The following SEMA3A variants were observed in gnomAD, a reference collection of about 807,000 sequenced individuals.
The protein encoded by SEMA3A is semaphorin-3A.
Under a neutral mutation model 97.9 loss-of-function variants are expected in SEMA3A, and 29 were observed. That is an observed-to-expected ratio of 0.30 (90% CI 0.22 to 0.40). The LOEUF (loss-of-function observed/expected upper bound fraction) is 0.40. Among genes scored for constraint, SEMA3A ranks in the 10% least tolerant of loss-of-function variants. The pLI is 1.00. For synonymous variants in SEMA3A, 321 were observed against 323.7 expected (o/e 0.99, Z 0.09); for missense variants, 763 against 951.3 (o/e 0.80, Z 2.60).
chr7:84,433,029 T>C (rs1805025555), intron 1 of SEMA3A, among the ~76,000 whole-genome samples: 1 of 151,990 alleles, frequency 6.6e-6, no homozygotes, highest in Admixed American at 6.6e-5. Context: ...TATAATGGTT[T>C]CCTTCCTCTC....
intron 1 of SEMA3A, among the ~76,000 whole-genome samples, chr7:84,157,449 T>G (rs1458646620): frequency 6.6e-6 from 1 of 150,708 alleles, no homozygotes; most frequent in Non-Finnish European, 1.5e-5. Flanking sequence ...TTATCGTTGA[T>G]GACCACAACA....
At chr7:84,316,092 T>G (rs1466325838) in intron 2 of SEMA3A, among the ~76,000 whole-genome samples, 1 of 134,916 alleles carries the variant, frequency 7.4e-6, no homozygotes, top group African/African-American at 2.9e-5. Context: ...AGAAGTTCAC[T>G]TGAAGGCCTG....
chr7:84,110,214 A>G (rs973483621), intron 4 of SEMA3A, among the ~76,000 whole-genome samples: 2 of 152,196 alleles, frequency 1.3e-5, no homozygotes, highest in African/African-American at 4.8e-5. Context: ...CTGCACATGC[A>G]AAATGGATTG....
At chr7:84,429,513 T>TA (rs1804912228) in intron 1 of SEMA3A, among the ~76,000 whole-genome samples, 2 of 100,552 alleles carry the variant, frequency 2.0e-5, no homozygotes, top group African/African-American at 8.3e-5. Flanking sequence ...AATATAGAGT[T>TA]TGTTATATAT....
At chr7:84,404,478 T>A (rs1562934981) in intron 1 of SEMA3A, among the ~76,000 whole-genome samples, 1 of 152,098 alleles carries the variant, frequency 6.6e-6, no homozygotes, top group Non-Finnish European at 1.5e-5. Flanking sequence ...CTGCAGGATA[T>A]TATCCAGGAG....
chr7:84,203,720 G>A (rs1002487693), intron 3 of SEMA3A, among the ~76,000 whole-genome samples: 2 of 150,872 alleles, frequency 1.3e-5, no homozygotes, highest in African/African-American at 4.9e-5. Flanking sequence ...TTAGTAGGGA[G>A]GGGGTTCACT....
At chr7:84,391,071 A>T (rs1272077048) in intron 1 of SEMA3A, among the ~76,000 whole-genome samples, 1 of 152,144 alleles carries the variant, frequency 6.6e-6, no homozygotes, top group Non-Finnish European at 1.5e-5. Flanking sequence ...AGAAAAGTCA[A>T]CTGTTTGTTT....
At chr7:83,994,979 A>T (rs1790146763) in intron 12 of SEMA3A, among the ~76,000 whole-genome samples, 1 of 151,748 alleles carries the variant, frequency 6.6e-6, no homozygotes, top group African/African-American at 2.4e-5. Context: ...CTCCATGGGC[A>T]CAGGACCCTC....
At chr7:84,287,977 T>C (rs146799822) in intron 3 of SEMA3A, among the ~76,000 whole-genome samples, 1 of 152,324 alleles carries the variant, frequency 6.6e-6, no homozygotes, top group Admixed American at 6.5e-5. Context: ...TGTATTCCAG[T>C]ATCTCTCTGA....
At chr7:84,351,681 C>T (rs1183494267) in intron 2 of SEMA3A, among the ~76,000 whole-genome samples, 1 of 151,982 alleles carries the variant, frequency 6.6e-6, no homozygotes, top group East Asian at 1.9e-4. Context: ...TATCATCTCA[C>T]TCTAGTTAAA....
At chr7:84,426,547 A>T (rs1008196312) in intron 1 of SEMA3A, among the ~76,000 whole-genome samples, 1 of 152,092 alleles carries the variant, frequency 6.6e-6, no homozygotes, top group Non-Finnish European at 1.5e-5. Context: ...CTTGAGGTAA[A>T]GTAGTTTGTT....
intron 1 of SEMA3A, among the ~76,000 whole-genome samples, chr7:84,425,396 T>A (rs1201802249): frequency 7.5e-6 from 1 of 132,528 alleles, no homozygotes; most frequent in Non-Finnish European, 1.5e-5. Context: ...ATATAATATA[T>A]TCACATAAAT....
At chr7:84,169,547 TATA>T (rs947921111) in intron 1 of SEMA3A, among the ~76,000 whole-genome samples, 2 of 148,876 alleles carry the variant, frequency 1.3e-5, no homozygotes, top group Admixed American at 6.7e-5. Flanking sequence ...TAATACTATA[TATA>T]ATAATAATTA....
chr7:84,215,507 G>T (rs1798731299), intron 3 of SEMA3A, among the ~76,000 whole-genome samples: 1 of 152,132 alleles, frequency 6.6e-6, no homozygotes, highest in Non-Finnish European at 1.5e-5. Flanking sequence ...TACTCATTTT[G>T]AATAAGACTG....
intron 1 of SEMA3A, among the ~76,000 whole-genome samples, chr7:84,435,514 A>G (rs980932634): frequency 2.0e-5 from 3 of 152,226 alleles, no homozygotes; most frequent in Non-Finnish European, 2.9e-5. Flanking sequence ...TGGTTGAGGC[A>G]GGAGATTCGC....
At chr7:84,415,606 G>C (rs767844493) in intron 1 of SEMA3A, among the ~76,000 whole-genome samples, 10 of 152,138 alleles carry the variant, frequency 6.6e-5, no homozygotes, top group Non-Finnish European at 1.0e-4. Flanking sequence ...GATGAATCTA[G>C]ATAATGGGTA....
At chr7:84,491,904 T>C (rs908634462) in intron 1 of SEMA3A, among the ~76,000 whole-genome samples, 1 of 152,178 alleles carries the variant, frequency 6.6e-6, no homozygotes, top group Non-Finnish European at 1.5e-5. Flanking sequence ...TCACTATCAT[T>C]GTCATTGCTG....
At chr7:84,022,779 G>C (rs939083811) in intron 6 of SEMA3A, among the ~76,000 whole-genome samples, 3 of 152,158 alleles carry the variant, frequency 2.0e-5, no homozygotes, top group African/African-American at 7.2e-5. Context: ...AATTGAGAAG[G>C]ATTCTTGCAT....
intron 1 of SEMA3A, among the ~76,000 whole-genome samples, chr7:84,151,952 C>T (rs1271329503): frequency 6.6e-6 from 1 of 151,940 alleles, no homozygotes; most frequent in Admixed American, 6.6e-5. Flanking sequence ...TGCTCACCAT[C>T]ACTGGCCATC....
Sources: allele counts gnomAD v4.1 joint callset (sites outside exome capture counted in the v4.1 genomes callset), GRCh38; gene constraint gnomAD v4.1.1; transcripts MANE v1.5; gene names NCBI Gene and HGNC (gene_info 2026-07-23, HGNC 2026-07-21).